Variants in INA observed in about 807,000 individuals in gnomAD.
INA encodes alpha-internexin.
In INA, 35 loss-of-function variants were observed where a neutral mutation model predicts 40.1. The observed-to-expected ratio is 0.87, with a 90% CI of 0.67 to 1.16. The LOEUF is 1.16. Among genes scored for constraint, INA ranks in the 50% most tolerant of loss-of-function variants. The pLI is 0.00. For synonymous variants in INA, 290 were observed against 316.9 expected, an observed-to-expected ratio of 0.92 and a Z score of 0.90; for missense variants, 594 against 686.7, an observed-to-expected ratio of 0.87 and a Z score of 1.51.
chr10:103,286,958 G>A, intron 1 of INA, 77 bp from the exon 2 acceptor site: 1 of 1,495,598 alleles, frequency 6.7e-7, no homozygotes, highest in East Asian at 2.3e-5. Context: ...AGTCAGGGCT[G>A]GGAATCCTTG....
intron 1 of INA, among the ~76,000 whole-genome samples, chr10:103,281,955 G>T (rs1410812674): frequency 6.6e-6 from 1 of 152,214 alleles, no homozygotes; most frequent in Non-Finnish European, 1.5e-5. Context: ...CAGCAGCTGC[G>T]TGGTTGGGGG....
Position 103,277,222 on chromosome 10 carries a change from G to A in INA, c.11G>A (p.Gly4Asp), listed in dbSNP as rs753003968. The change falls in exon 1 of 3, where the codon GGC becomes GAC. Residue 4 changes from glycine (G) to aspartate (D), a missense_variant. This residue lies in a region of INA where 215 missense variants were observed against 190.6 expected (regional missense o/e 1.13). Transcript: ENST00000369849. This position sits in a 1 kb window ranked among gnomAD's most constrained non-coding sequence, Gnocchi z 5.6. MSF[G>D]SEHYLCSSSS... ...CCCGATCCCGGCACCATGAGCTTCG[G>A]CTCGGAGCACTACCTGTGCTCCTCC... 11 of 1,580,288 alleles carry A rather than the reference G, an allele frequency of 7.0e-6. No homozygotes were observed. The highest frequency in any genetic ancestry group is 5.3e-5 in the Admixed American group (3 of 56,940).
In INA at chr10:103,277,207, G is replaced by A; in HGVS notation, c.-5G>A. On this transcript the variant is annotated 5_prime_UTR_variant, in exon 1 of 3. Transcript: ENST00000369849. This position sits in a 1 kb window ranked among gnomAD's most constrained non-coding sequence, Gnocchi z 5.6. ...AGCCGCACGTCCGGCCCCGATCCCG[G>A]CACCATGAGCTTCGGCTCGGAGCAC... is the stretch of plus-strand genomic sequence containing the variant. 2.5e-6 allele frequency: 4 copies of A among 1,572,768 alleles called. No homozygotes were observed. The highest frequency in any genetic ancestry group is 2.3e-5 in the South Asian group (2 of 87,588).
intron 1 of INA, chr10:103,280,849 G>T (rs777039740): frequency 3.0e-6 from 3 of 985,380 alleles, no homozygotes; most frequent in Non-Finnish European, 3.6e-6. Context: ...GGGCAATGCT[G>T]GTGCCTACAT....
chr10:103,287,127 A>G lies in INA; in HGVS notation c.1158A>G (p.Lys386=), dbSNP rs761615468. Residue 386 remains lysine (K), a synonymous_variant, in exon 2 of 3, where the codon AAA becomes AAG. Coordinates refer to ENST00000369849, the MANE Select transcript of INA (RefSeq NM_032727.4). The part of the protein sequence containing the change: ...LREYQDLLNV[K]MALDIEIAAY... The stretch of plus-strand genomic sequence containing the variant: ...AATACCAGGACTTGCTCAATGTCAA[A>G]ATGGCTCTTGACATTGAGATAGCAG... The G allele has an allele frequency of 5.0e-6, 8 of 1,613,804 alleles. No homozygotes were observed. The Admixed American group carries it at 1.2e-4, about 24-fold the overall frequency.
At chr10:103,287,402 G>C (rs1450405366) in intron 2 of INA, among the ~76,000 whole-genome samples, 5 of 152,164 alleles carry the variant, frequency 3.3e-5, no homozygotes, top group Non-Finnish European at 1.5e-5. Flanking sequence ...TGAGTACACA[G>C]AGGTTAAAAT....
Position 103,277,600 on chromosome 10 carries a change from G to T in INA, c.389G>T (p.Arg130Leu), listed in dbSNP as rs1014072639. The T allele has an allele frequency of 3.2e-6, 5 of 1,551,816 alleles. No individual in the cohort carries two copies. The highest frequency in any genetic ancestry group is 2.6e-6 in the Non-Finnish European group (3 of 1,156,606). Residue 130 changes from arginine to leucine, a missense_variant, in exon 1 of 3, where the codon CGA becomes CTA. Physicochemically the swap from Arg to Leu is moderately radical, Grantham distance 102. This residue lies in a region of INA where 215 missense variants were observed against 190.6 expected (regional missense o/e 1.13). Transcript: ENST00000369849. This position sits in a 1 kb window ranked among gnomAD's most constrained non-coding sequence, Gnocchi z 5.6. ...RALEAELAAL[R>L]QRHAEPSRVG... ...TTGGAGGCCGAGCTGGCCGCGCTGC[G>T]ACAGCGCCACGCTGAGCCGTCGCGC... is the stretch of plus-strand genomic sequence containing the variant.
At position 103,277,996 on chromosome 10, in the gene INA, C is replaced by A; in HGVS notation, c.785C>A (p.Thr262Asn). 1 of 1,597,406 alleles carries A rather than the reference C, an allele frequency of 6.3e-7. No individual in the cohort carries two copies. The highest frequency in any genetic ancestry group is 1.1e-5 in the South Asian group (1 of 88,584). Residue 262 changes from threonine to asparagine, a missense_variant, in exon 1 of 3, where the codon ACC becomes AAC. Thr to Asn is a moderately conservative substitution (Grantham distance 65). This residue lies in a region of INA where 379 missense variants were observed against 496.1 expected (regional missense o/e 0.76). Transcript: ENST00000369849. This position sits in a 1 kb window ranked among gnomAD's most constrained non-coding sequence, Gnocchi z 5.6. ...VDVTVAKPDL[T>N]SALREIRAQY... Reference sequence around the variant, plus strand: ...GTGACTGTGGCTAAACCAGACCTGACCTCGGCTCTGAGGGAGATCCGCGCC... The same window carrying A: ...GTGACTGTGGCTAAACCAGACCTGAACTCGGCTCTGAGGGAGATCCGCGCC...
In INA at chr10:103,278,072, C is replaced by G. The variant is rs1364659292; in HGVS notation, c.861C>G (p.Tyr287Ter). The G allele has an allele frequency of 1.2e-6, 2 of 1,613,746 alleles. No homozygotes were observed. Among genetic ancestry groups the G allele is most frequent in the Admixed American group, 1.7e-5 (1 of 60,014 alleles). ...ACCTGCAGTCCGCGGAAGAATGGTACAAGTCCAAGTTTGCCAACCTGAACG... is the reference window on the plus strand; with the variant it reads ...ACCTGCAGTCCGCGGAAGAATGGTAGAAGTCCAAGTTTGCCAACCTGAACG... Reference protein sequence around the residue: ...AKNLQSAEEWYKSKFANLNEQ... With the variant: ...AKNLQSAEEW Residue 287 changes from tyrosine to a stop codon, truncating the protein, a stop_gained, in exon 1 of 3, where the codon TAC (tyrosine) becomes TAG (stop). Transcript: ENST00000369849. LOFTEE classifies it high-confidence loss of function. The surrounding 1 kb of genome is among the most constrained non-coding windows in gnomAD (Gnocchi z 4.9).
rs2093092867 is a variant in INA at position 103,288,794 on chromosome 10, A to G, written c.*125A>G. On this transcript the variant is annotated 3_prime_UTR_variant, in exon 3 of 3. Coordinates refer to ENST00000369849, the MANE Select transcript of INA (RefSeq NM_032727.4). The stretch of plus-strand genomic sequence containing the variant: ...AATGTCTTCAAGGCTTCAGTCTCAT[A>G]TTTAGTATTGAATACTTACATTCTC... The G allele has an allele frequency of 1.5e-6, 1 of 652,154 alleles. No homozygotes were observed. Among genetic ancestry groups the G allele is most frequent in the Non-Finnish European group, 2.6e-6 (1 of 383,360 alleles). The allele number at this position is 652,154 out of a possible 1,614,324, so 40.4% of individuals were successfully genotyped here.
At position 103,277,997 on chromosome 10, in the gene INA, C is replaced by T; in HGVS notation, c.786C>T (p.Thr262=). 1 of 1,598,360 alleles carries T rather than the reference C, an allele frequency of 6.3e-7. No individual in the cohort carries two copies. Among genetic ancestry groups the T allele is most frequent in the Non-Finnish European group, 8.5e-7 (1 of 1,173,258 alleles). Reference sequence around the variant, plus strand: ...TGACTGTGGCTAAACCAGACCTGACCTCGGCTCTGAGGGAGATCCGCGCCC... The same window carrying T: ...TGACTGTGGCTAAACCAGACCTGACTTCGGCTCTGAGGGAGATCCGCGCCC... The part of the protein sequence containing the change: ...VDVTVAKPDL[T]SALREIRAQY... Residue 262 remains threonine, a synonymous_variant, in exon 1 of 3, where the codon ACC becomes ACT. Coordinates refer to ENST00000369849, the MANE Select transcript of INA (RefSeq NM_032727.4). The surrounding 1 kb of genome is among the most constrained non-coding windows in gnomAD (Gnocchi z 5.6).
At chr10:103,284,755 GAA>G (rs551020044) in intron 1 of INA, among the ~76,000 whole-genome samples, 1 of 139,648 alleles carries the variant, frequency 7.2e-6, no homozygotes. Flanking sequence ...CTCCATCTCG[GAA>G]AAAAAAAAAA....
chr10:103,288,513 A>AGAGGAG lies in INA; in HGVS notation c.1358_1363dup (p.Glu453_Glu454dup), dbSNP rs545805667. On this transcript the variant is annotated inframe_insertion, in exon 3 of 3. Transcript: ENST00000369849. ...CATCCACTGGGCTATCACTTAAGAA[A>AGAGGAG]GAGGAGGAGGAGGAGGAGGCATCTA... The AGAGGAG allele has an allele frequency of 5.0e-6, 8 of 1,612,886 alleles. No individual in the cohort carries two copies. Among genetic ancestry groups the AGAGGAG allele is most frequent in the Non-Finnish European group, 6.8e-6 (8 of 1,179,364 alleles).
intron 2 of INA, among the ~76,000 whole-genome samples, chr10:103,287,814 CTG>C (rs2093090040): frequency 6.6e-6 from 1 of 150,440 alleles, no homozygotes; most frequent in South Asian, 2.1e-4. Flanking sequence ...TTTTATAAGA[CTG>C]TTTTCGTCAC....
At chr10:103,284,069 C>T (rs958504765) in intron 1 of INA, among the ~76,000 whole-genome samples, 1 of 151,566 alleles carries the variant, frequency 6.6e-6, no homozygotes, top group African/African-American at 2.4e-5. Context: ...ATGCCCGGCC[C>T]TGCATGACTG....
rs544920691 is a variant in INA, at chr10:103,280,305, C to T, written c.1065+2029C>T. The stretch of plus-strand genomic sequence containing the variant: ...GAGGTCAGACAACAGAGAGCTGGTT[C>T]CCTACTCCTTGGGACCTAAGGCTAA... On this transcript the variant is annotated intron_variant, in intron 1 of 2. Transcript: ENST00000369849. 228 of 985,414 alleles carry T rather than the reference C, an allele frequency of 2.3e-4. 1 individual carries two copies. In the African/African-American group the frequency reaches 3.8e-3, roughly 16 times the overall value. 61.0% of individuals were successfully genotyped at this position (985,414 alleles called of 1,614,324 possible). A position where few individuals can be genotyped will look rare whatever the true frequency, so the allele number is the denominator to read the frequency against.
At chr10:103,285,618 C>CTT (rs1198555714) in intron 1 of INA, among the ~76,000 whole-genome samples, 10 of 125,746 alleles carry the variant, frequency 8.0e-5, no homozygotes, top group East Asian at 2.4e-4. Context: ...TGAACTGAAT[C>CTT]TTTTTTTTTT....
chr10:103,288,406 A>C lies in INA; in HGVS notation c.1237A>C (p.Ser413Arg). The change falls in exon 3 of 3, where the codon AGC becomes CGC. Residue 413 changes from serine to arginine, a missense_variant. Coordinates refer to ENST00000369849, the MANE Select transcript of INA (RefSeq NM_032727.4). ...GACACGTTTTAGCACCAGTGGGTTA[A>C]GCATTTCGGGGCTGAATCCACTTCC... ...EETRFSTSGL[S>R]ISGLNPLPNP... 6.2e-7 allele frequency: 1 copy of C among 1,612,308 alleles called. No individual in the cohort carries two copies. Among genetic ancestry groups the C allele is most frequent in the Non-Finnish European group, 8.5e-7 (1 of 1,179,600 alleles).
chr10:103,281,489 C>G (rs1163690772), intron 1 of INA, among the ~76,000 whole-genome samples: 1 of 152,144 alleles, frequency 6.6e-6, no homozygotes, highest in Non-Finnish European at 1.5e-5. Flanking sequence ...TGATCTAAAC[C>G]ACTTCTTCCA....
Sources: allele counts gnomAD v4.1 joint callset (sites outside exome capture counted in the v4.1 genomes callset), GRCh38; gene constraint gnomAD v4.1.1; regional missense constraint gnomAD v4.1.1; non-coding constraint Gnocchi (gnomAD v3.1); transcripts MANE v1.5; gene names NCBI Gene and HGNC (gene_info 2026-07-23, HGNC 2026-07-21).